NOL8: variants seen among roughly 807,000 people sequenced by gnomAD.
The protein encoded by NOL8 is nucleolar protein 8.
Under a neutral mutation model 116.1 loss-of-function variants are expected in NOL8, and 93 were observed. The ratio of observed to expected loss-of-function variants is 0.80; its 90% CI spans 0.68 to 0.95. NOL8 has a LOEUF of 0.95. Among genes scored for constraint, NOL8 ranks in the 40% least tolerant of loss-of-function variants. The probability of loss-of-function intolerance (pLI) is 0.00; values close to 1 mark genes in which losing one functional copy is unlikely to be tolerated. For missense variants in NOL8, 1,291 were observed against 1,382.8 expected (o/e 0.93, Z 1.05); for synonymous variants, 419 against 469.0 (o/e 0.89, Z 1.38).
chr9:92,307,456 T>C (rs1347792580), intron 10 of NOL8, among the ~76,000 whole-genome samples: 6 of 152,158 alleles, frequency 3.9e-5, no homozygotes, highest in African/African-American at 1.4e-4. Context: ...ATATAAGATA[T>C]TAGTGGATAG....
chr9:92,310,037 A>T, intron 10 of NOL8, 134 bp downstream of exon 10: 1 of 640,326 alleles, frequency 1.6e-6, no homozygotes, highest in Non-Finnish European at 2.7e-6. Flanking sequence ...TTAACTGTAC[A>T]TTTGATTATA....
At chr9:92,308,746 AC>A (rs1174828205) in intron 10 of NOL8, among the ~76,000 whole-genome samples, 12 of 152,212 alleles carry the variant, frequency 7.9e-5, no homozygotes, top group Admixed American at 6.5e-4. Flanking sequence ...GGGATGATCA[AC>A]AGTGACATAT....
At position 92,324,058 on chromosome 9, in the gene NOL8, G is replaced by T; in HGVS notation, c.104C>A (p.Ser35Ter). 6.2e-7 allele frequency: 1 copy of T among 1,613,946 alleles called. No homozygotes were observed. The highest frequency in any genetic ancestry group is 8.5e-7 in the Non-Finnish European group (1 of 1,179,844). The part of the protein sequence containing the change: ...QNQFSRFGEV[S>*]DVEIITRKDD... ...TTTCCGTGTGATGATCTCCACATCC[G>T]AAACTTCTCCAAATCTGCTGAACTG... Residue 35 changes from serine to a stop codon, truncating the protein, a stop_gained, in exon 2 of 17, where the codon TCG becomes TAG. Coordinates refer to ENST00000442668, the MANE Select transcript of NOL8 (RefSeq NM_017948.6). LOFTEE classifies it high-confidence loss of function.
chr9:92,314,190 G>A (rs1839127694), intron 7 of NOL8, 77 bp downstream of exon 7: 1 of 1,478,338 alleles, frequency 6.8e-7, no homozygotes, highest in Non-Finnish European at 9.0e-7. Context: ...CTCTATGGGG[G>A]CACACCTAAC....
rs772226439 is a variant in NOL8, at chr9:92,324,057, C to T, written c.105G>A (p.Ser35=). ...QNQFSRFGEV[S]DVEIITRKDD... is the part of the protein sequence containing the mutation. ...CTTTCCGTGTGATGATCTCCACATC[C>T]GAAACTTCTCCAAATCTGCTGAACT... The change falls in exon 2 of 17, where the codon TCG becomes TCA. Residue 35 remains serine (S), a synonymous_variant. Coordinates refer to ENST00000442668, the MANE Select transcript of NOL8 (RefSeq NM_017948.6). 13 of 1,613,950 alleles carry T rather than the reference C, an allele frequency of 8.1e-6. No individual in the cohort carries two copies. The highest frequency in any genetic ancestry group is 2.2e-5 in the South Asian group (2 of 91,074).
chr9:92,319,294 T>C lies in NOL8; in HGVS notation c.344A>G (p.Asn115Ser), dbSNP rs369795648. ...CACTCCTCCTGTCTTTTCTAACAAGTTGGCGTTACCTGTTGTTGATTCTTC... is the reference window on the plus strand; with the variant it reads ...CACTCCTCCTGTCTTTTCTAACAAGCTGGCGTTACCTGTTGTTGATTCTTC... ...KKEESTTGNA[N>S]LLEKTGGVDF... is the part of the protein sequence containing the mutation. Residue 115 changes from asparagine to serine, a missense_variant, in exon 5 of 17, where the codon AAC (asparagine) becomes AGC (serine). Asn to Ser is a conservative substitution (Grantham distance 46, BLOSUM62 1). Coordinates refer to ENST00000442668, the MANE Select transcript of NOL8 (RefSeq NM_017948.6). 7 of 1,597,978 alleles carry C rather than the reference T, an allele frequency of 4.4e-6. No individual in the cohort carries two copies. The highest frequency in any genetic ancestry group is 1.4e-5 in the African/African-American group (1 of 72,944).
In NOL8 at chr9:92,324,040, G is replaced by A. The variant is rs1369823153; in HGVS notation, c.122C>T (p.Thr41Ile). The A allele has an allele frequency of 1.2e-6, 2 of 1,613,988 alleles. No individual in the cohort carries two copies. Among genetic ancestry groups the A allele is most frequent in the South Asian group, 2.2e-5 (2 of 91,088 alleles). ...TAAATTACCTTGGTCATCTTTCCGT[G>A]TGATGATCTCCACATCCGAAACTTC... ...FGEVSDVEIITRKDDQGNPQK... is the reference protein window; with the variant it reads ...FGEVSDVEIIIRKDDQGNPQK... Residue 41 changes from threonine to isoleucine, a missense_variant, in exon 2 of 17, where the codon ACA becomes ATA. Thr to Ile is a moderately conservative substitution (Grantham distance 89). Transcript: ENST00000442668.
chr9:92,317,581 G>T (rs1263966398), intron 6 of NOL8, among the ~76,000 whole-genome samples: 2 of 152,154 alleles, frequency 1.3e-5, no homozygotes, highest in Admixed American at 1.3e-4. Flanking sequence ...AGTCCCAGTG[G>T]GGTAGTGGTT....
rs748904566 is a variant in NOL8 at position 92,315,520 on chromosome 9, TATC to T, written c.1102_1104del (p.Asp368del). On this transcript the variant is annotated inframe_deletion, in exon 7 of 17. Coordinates refer to ENST00000442668, the MANE Select transcript of NOL8 (RefSeq NM_017948.6). Reference sequence around the variant, plus strand: ...TCATACTCACGATCATTTCTCATAATATCATCATCACTATCATGGCAAGAGACA... The same window carrying T: ...TCATACTCACGATCATTTCTCATAATATCATCACTATCATGGCAAGAGACA... 9.9e-6 allele frequency: 16 copies of T among 1,611,284 alleles called. No individual in the cohort carries two copies. The African/African-American group carries it at 1.3e-4, about 13-fold the overall frequency.
At position 92,321,965 on chromosome 9, in the gene NOL8, G is replaced by C. The variant is rs79004769; in HGVS notation, c.203-219C>G. On this transcript the variant is annotated intron_variant, in intron 3 of 16. Coordinates refer to ENST00000442668, the MANE Select transcript of NOL8 (RefSeq NM_017948.6). ...GAGTCTTTACACTCCCTATCTCACA[G>C]TGTTACTAGATTGGAATGAGGCAAA... Among the ~76,000 whole-genome samples, 739 of 152,280 alleles carry C rather than the reference G, an allele frequency of 4.9e-3. 6 individuals are homozygous for C. The highest frequency in any genetic ancestry group is 0.016 in the African/African-American group (644 of 41,546).
At chr9:92,313,730 T>G (rs547197630) in intron 7 of NOL8, among the ~76,000 whole-genome samples, 1 of 152,292 alleles carries the variant, frequency 6.6e-6, no homozygotes, top group East Asian at 1.9e-4. Flanking sequence ...CCACAAATCT[T>G]TTCCTACCAC....
intron 5 of NOL8, 73 bp downstream of exon 5, chr9:92,319,148 A>C (rs1435452141): frequency 7.0e-7 from 1 of 1,431,228 alleles, no homozygotes. Context: ...TAGACATGAC[A>C]CCCACAATCA....
Position 92,314,913 on chromosome 9 carries a change from T to A in NOL8, c.1712A>T (p.Gln571Leu), listed in dbSNP as rs1564229361. Reference protein sequence around the residue: ...PKENNLKPKFQAFKGVGCLYE... With the variant: ...PKENNLKPKFLAFKGVGCLYE... ...TAGACAGCCTACTCCCTTGAAAGCCTGAAATTTTGGCTTTAAATTGTTTTC... is the reference window on the plus strand; with the variant it reads ...TAGACAGCCTACTCCCTTGAAAGCCAGAAATTTTGGCTTTAAATTGTTTTC... The change falls in exon 7 of 17, where the codon CAG (glutamine) becomes CTG (leucine). Residue 571 changes from glutamine (Q) to leucine (L), a missense_variant. Transcript: ENST00000442668. 3 of 1,613,768 alleles carry A rather than the reference T, an allele frequency of 1.9e-6. No individual in the cohort carries two copies. The highest frequency in any genetic ancestry group is 2.5e-6 in the Non-Finnish European group (3 of 1,179,874).
rs80262088 is a variant in NOL8, at chr9:92,321,134, A to G, written c.281+534T>C. On this transcript the variant is annotated intron_variant, in intron 4 of 16. Coordinates refer to ENST00000442668, the MANE Select transcript of NOL8 (RefSeq NM_017948.6). ...TTAACAGTCAAAATCAACATATGCA[A>G]TTTAGTAGTCTACTAAAATTTAAAT... Among the ~76,000 whole-genome samples the G allele has an allele frequency of 4.9e-3, 742 of 152,344 alleles. 6 individuals carry two copies. The highest frequency in any genetic ancestry group is 0.016 in the African/African-American group (647 of 41,582).
chr9:92,299,083 C>A, intron 14 of NOL8, 129 bp from the exon 15 acceptor site: 2 of 484,962 alleles, frequency 4.1e-6, no homozygotes, highest in South Asian at 9.2e-5. Flanking sequence ...TTCATTTCCC[C>A]CTAGAATCCA....
intron 7 of NOL8, among the ~76,000 whole-genome samples, chr9:92,312,446 T>TAAAA (rs34116665): frequency 6.9e-5 from 4 of 57,560 alleles, no homozygotes; most frequent in African/African-American, 2.2e-4. Context: ...TGAGACCCTG[T>TAAAA]AAAAAAAAAA....
rs35089570 is a variant in NOL8 at position 92,312,827 on chromosome 9, CAAAAA to C, written c.2358+1435_2358+1439del. 4.9e-4 allele frequency among the ~76,000 whole-genome samples: 27 copies of C among 55,452 alleles called. No individual in the cohort carries two copies. In the East Asian group the frequency reaches 7.1e-3, roughly 15 times the overall value. 36.4% of individuals were successfully genotyped at this position (55,452 alleles called of 152,430 possible). A position where few individuals can be genotyped will look rare whatever the true frequency, so the allele number is the denominator to read the frequency against. ...GGGCAACAAGAGCAAAACTCCATCT[CAAAAA>C]AAAAAAAAAAAAAAAAGAAAAGAAA... On this transcript the variant is annotated intron_variant, in intron 7 of 16. Transcript: ENST00000442668.
At chr9:92,311,103 C>T in intron 8 of NOL8, 43 bp downstream of exon 8, 1 of 1,444,368 alleles carries the variant, frequency 6.9e-7, no homozygotes, top group Non-Finnish European at 9.7e-7. Context: ...TGTGGATCTG[C>T]AGAAGTAGAT....
chr9:92,314,930 A>G lies in NOL8; in HGVS notation c.1695T>C (p.Asn565=). ...TCGKQKPKEN[N]LKPKFQAFKG... Reference sequence around the variant, plus strand: ...TGAAAGCCTGAAATTTTGGCTTTAAATTGTTTTCCTTTGGTTTCTGTTTGC... The same window carrying G: ...TGAAAGCCTGAAATTTTGGCTTTAAGTTGTTTTCCTTTGGTTTCTGTTTGC... The change falls in exon 7 of 17, where the codon AAT becomes AAC. Residue 565 remains asparagine (N), a synonymous_variant. Transcript: ENST00000442668. The G allele has an allele frequency of 1.2e-6, 2 of 1,613,800 alleles. No individual in the cohort carries two copies.
Sources: allele counts gnomAD v4.1 joint callset (sites outside exome capture counted in the v4.1 genomes callset), GRCh38; gene constraint gnomAD v4.1.1; transcripts MANE v1.5; gene names NCBI Gene and HGNC (gene_info 2026-07-23, HGNC 2026-07-21).